Variants in ME2 observed in about 807,000 individuals in gnomAD.
ME2 encodes the protein NAD-dependent malic enzyme, mitochondrial.
A neutral mutation model predicts 73.7 loss-of-function variants in ME2; 60 were observed. That is an observed-to-expected ratio of 0.81 (90% CI 0.66 to 1.01). The LOEUF (loss-of-function observed/expected upper bound fraction) is 1.01, where lower values mean the gene tolerates loss of function less well. ME2 is among the 50% of genes least tolerant of loss of function. The pLI is 0.00. For synonymous variants in ME2, 199 were observed against 236.9 expected (o/e 0.84, Z 1.47); for missense variants, 594 against 705.5 (o/e 0.84, Z 1.79).
At chr18:50,939,345 A>G (rs1486095545) in intron 13 of ME2, 10 of 433,180 alleles carry the variant, frequency 2.3e-5, no homozygotes, top group Non-Finnish European at 4.2e-5. Flanking sequence ...TGTAAAAACT[A>G]AACTGAGAAA....
chr18:50,896,818 G>C (rs1477907999), intron 2 of ME2, among the ~76,000 whole-genome samples: 1 of 152,170 alleles, frequency 6.6e-6, no homozygotes, highest in Non-Finnish European at 1.5e-5. Context: ...GGCCTACAAA[G>C]GGGAATTTGA....
In ME2 at chr18:50,948,041, G is replaced by C. The variant is rs377431872; in HGVS notation, c.*857G>C. On this transcript the variant is annotated 3_prime_UTR_variant, in exon 16 of 16. Coordinates refer to ENST00000321341, the MANE Select transcript of ME2 (RefSeq NM_002396.5). Reference sequence around the variant, plus strand: ...CACGTGACTTTTTAAATCTAAATTAGTCATGCTTCACATCAAAATGAGTCA... The same window carrying C: ...CACGTGACTTTTTAAATCTAAATTACTCATGCTTCACATCAAAATGAGTCA... 2.0e-5 allele frequency: 3 copies of C among 152,232 alleles called. No individual in the cohort carries two copies. Among genetic ancestry groups the C allele is most frequent in the East Asian group, 3.9e-4 (2 of 5,184 alleles). The allele number at this position is 152,232 out of a possible 1,614,324, so 9.4% of individuals were successfully genotyped here.
intron 2 of ME2, 136 bp from the exon 3 acceptor site, chr18:50,907,919 TCAGTCTTA>T: frequency 1.8e-6 from 1 of 556,982 alleles, no homozygotes; most frequent in Non-Finnish European, 3.1e-6. Flanking sequence ...AATACTGACA[TCAGTCTTA>T]CAAAGTTTTG....
chr18:50,931,557 A>G (rs1042774986), intron 12 of ME2, among the ~76,000 whole-genome samples: 3 of 152,222 alleles, frequency 2.0e-5, no homozygotes, highest in Admixed American at 1.3e-4. Context: ...TAGCGGATAT[A>G]TAGTAAATGA....
intron 1 of ME2, among the ~76,000 whole-genome samples, chr18:50,885,602 A>G (rs771466350): frequency 2.2e-4 from 34 of 152,246 alleles, no homozygotes; most frequent in Admixed American, 9.8e-4. Context: ...CAGAGTATCA[A>G]CCATCCCAAT....
In ME2 at chr18:50,945,418, C is replaced by G. The variant is rs558197894; in HGVS notation, c.1588-1599C>G. Reference sequence around the variant, plus strand: ...CATAGGTGTGAGCCACCACGCCCAGCCAGCCCTTAGGTTTTTAACCTCAGA... The same window carrying G: ...CATAGGTGTGAGCCACCACGCCCAGGCAGCCCTTAGGTTTTTAACCTCAGA... On this transcript the variant is annotated intron_variant, in intron 15 of 15. Transcript: ENST00000321341. Among the ~76,000 whole-genome samples the G allele has an allele frequency of 4.6e-5, 7 of 152,308 alleles. 1 individual carries two copies. The highest frequency in any genetic ancestry group is 2.1e-4 in the South Asian group (1 of 4,828).
intron 1 of ME2, among the ~76,000 whole-genome samples, chr18:50,895,196 C>T (rs748988260): frequency 2.6e-5 from 4 of 151,754 alleles, no homozygotes; most frequent in African/African-American, 4.8e-5. Flanking sequence ...TTAAAAATGT[C>T]CATGTTTATG....
chr18:50,880,519 G>A (rs1021388068), intron 1 of ME2, among the ~76,000 whole-genome samples: 3 of 152,182 alleles, frequency 2.0e-5, no homozygotes, highest in African/African-American at 7.2e-5. Context: ...GTTCGCGGTG[G>A]CTCACGCATG....
In ME2 at chr18:50,952,830, T is replaced by G. The variant is rs1301172325; in HGVS notation, c.*5646T>G. 1 of 152,234 alleles carries G rather than the reference T, an allele frequency of 6.6e-6. No individual in the cohort carries two copies. Among genetic ancestry groups the G allele is most frequent in the African/African-American group, 2.4e-5 (1 of 41,460 alleles). 9.4% of individuals were successfully genotyped at this position (152,234 alleles called of 1,614,324 possible). A position where few individuals can be genotyped will look rare whatever the true frequency, so the allele number is the denominator to read the frequency against. ...GGGCCGATAATGACAAACTAAAGTT[T>G]GTGGTTAATACCTACTCTATACCAG... On this transcript the variant is annotated 3_prime_UTR_variant, in exon 16 of 16. Coordinates refer to ENST00000321341, the MANE Select transcript of ME2 (RefSeq NM_002396.5).
intron 2 of ME2, among the ~76,000 whole-genome samples, chr18:50,907,276 A>G (rs977208245): frequency 6.6e-6 from 1 of 152,122 alleles, no homozygotes; most frequent in African/African-American, 2.4e-5. Flanking sequence ...GCTGATTTTC[A>G]TAGTAATTGT....
intron 1 of ME2, among the ~76,000 whole-genome samples, chr18:50,884,928 C>T (rs545612243): frequency 1.3e-5 from 2 of 152,098 alleles, no homozygotes; most frequent in Non-Finnish European, 2.9e-5. Flanking sequence ...AATCTCGGCT[C>T]ACTGCAGCCG....
At chr18:50,890,120 AT>A (rs1204862361) in intron 1 of ME2, among the ~76,000 whole-genome samples, 1 of 152,198 alleles carries the variant, frequency 6.6e-6, no homozygotes, top group African/African-American at 2.4e-5. Context: ...CCAAAAAAAA[AT>A]CAAAAGGCCT....
intron 2 of ME2, among the ~76,000 whole-genome samples, chr18:50,905,015 T>A (rs1006616545): frequency 6.6e-6 from 1 of 151,912 alleles, no homozygotes; most frequent in Non-Finnish European, 1.5e-5. Context: ...TGAGACGGAA[T>A]CTCCCTCTGT....
At chr18:50,882,661 C>A (rs1916351669) in intron 1 of ME2, among the ~76,000 whole-genome samples, 1 of 152,106 alleles carries the variant, frequency 6.6e-6, no homozygotes, top group African/African-American at 2.4e-5. Flanking sequence ...AACACTACTG[C>A]AATCTGGTCA....
At chr18:50,883,494 G>A (rs1485852089) in intron 1 of ME2, among the ~76,000 whole-genome samples, 1 of 152,186 alleles carries the variant, frequency 6.6e-6, no homozygotes, top group Non-Finnish European at 1.5e-5. Flanking sequence ...TAGTTCTTTT[G>A]TCTGTGCTTA....
intron 1 of ME2, among the ~76,000 whole-genome samples, chr18:50,893,812 C>T (rs1599089174): frequency 6.6e-6 from 1 of 152,100 alleles, no homozygotes; most frequent in African/African-American, 2.4e-5. Flanking sequence ...TTCTTAAGGC[C>T]CACAATTAAT....
At chr18:50,944,642 G>GC (rs1042677134) in intron 15 of ME2, among the ~76,000 whole-genome samples, 15 of 152,156 alleles carry the variant, frequency 9.9e-5, no homozygotes, top group Non-Finnish European at 2.1e-4. Flanking sequence ...GTGAGTGTGA[G>GC]CCCCCCTTAT....
intron 13 of ME2, chr18:50,933,024 C>A (rs1470231409): frequency 6.6e-6 from 1 of 152,190 alleles, no homozygotes; most frequent in Non-Finnish European, 1.5e-5. Flanking sequence ...TGCTTAATAT[C>A]GTTTATCATT....
intron 11 of ME2, 69 bp from the exon 12 acceptor site, chr18:50,925,687 A>T: frequency 7.6e-7 from 1 of 1,307,950 alleles, no homozygotes; most frequent in African/African-American, 1.5e-5. Flanking sequence ...CTATTGTAGA[A>T]ATGCTATTGA....
Sources: gnomAD v4.1 joint callset for allele counts (sites outside exome capture counted in the v4.1 genomes callset) on GRCh38, gnomAD v4.1.1 for gene constraint, MANE v1.5 for transcripts, NCBI Gene and HGNC (gene_info 2026-07-23, HGNC 2026-07-21) for gene names.